Variants in SPAG17 observed in about 807,000 individuals in gnomAD.
SPAG17 encodes the protein sperm-associated antigen 17.
SPAG17 carries 169 observed loss-of-function variants against 273.6 expected under a neutral mutation model. That is an observed-to-expected ratio of 0.62 (90% CI 0.55 to 0.70). SPAG17 has a LOEUF of 0.70. Among genes scored for constraint, SPAG17 ranks in the 30% least tolerant of loss-of-function variants. The pLI, the probability that SPAG17 is intolerant of heterozygous loss-of-function variation, is 0.00. For synonymous variants in SPAG17, 825 were observed against 873.2 expected (o/e 0.94, Z 0.97); for missense variants, 2,557 against 2,627.8 (o/e 0.97, Z 0.59).
At chr1:118,125,618 A>G (rs765477528) in intron 3 of SPAG17, among the ~76,000 whole-genome samples, 4 of 152,196 alleles carry the variant, frequency 2.6e-5, no homozygotes, top group Non-Finnish European at 5.9e-5. Flanking sequence ...GAGTAAGAAC[A>G]TGTGGTATTT....
chr1:118,049,390 T>C (rs1180667674), intron 20 of SPAG17, among the ~76,000 whole-genome samples: 1 of 152,202 alleles, frequency 6.6e-6, no homozygotes, highest in Non-Finnish European at 1.5e-5. Context: ...TAAGTGTGAT[T>C]TATTCCTGGG....
At chr1:118,002,642 C>T (rs1658421562) in intron 32 of SPAG17, among the ~76,000 whole-genome samples, 2 of 152,152 alleles carry the variant, frequency 1.3e-5, no homozygotes. Context: ...ACTAGGATTG[C>T]AACCCCTGCT....
chr1:118,104,201 G>T (rs1303406380), intron 4 of SPAG17, among the ~76,000 whole-genome samples: 1 of 152,156 alleles, frequency 6.6e-6, no homozygotes, highest in Non-Finnish European at 1.5e-5. Flanking sequence ...AAGAAAGATA[G>T]ATTTGAGATG....
At chr1:118,032,646 G>A (rs1368911673) in intron 24 of SPAG17, among the ~76,000 whole-genome samples, 2 of 151,870 alleles carry the variant, frequency 1.3e-5, no homozygotes, top group African/African-American at 4.8e-5. Context: ...CCAGGCTGGA[G>A]TGCAGTGGTG....
At chr1:118,138,952 C>T (rs1288144130) in intron 3 of SPAG17, among the ~76,000 whole-genome samples, 1 of 152,136 alleles carries the variant, frequency 6.6e-6, no homozygotes, top group East Asian at 1.9e-4. Context: ...TCAAACTATA[C>T]TTTCAGACTT....
chr1:118,061,210 C>CA (rs995400302), intron 18 of SPAG17, among the ~76,000 whole-genome samples: 75 of 151,602 alleles, frequency 4.9e-4, no homozygotes, highest in African/African-American at 1.3e-3. Context: ...AGTATATATG[C>CA]AAAAAAAATT....
chr1:117,957,780 C>A (rs1295929214), intron 48 of SPAG17, among the ~76,000 whole-genome samples: 1 of 152,122 alleles, frequency 6.6e-6, no homozygotes, highest in Non-Finnish European at 1.5e-5. Context: ...CCCAGGGGAG[C>A]CAAAAGGATG....
chr1:118,073,585 T>A (rs1048881799), intron 17 of SPAG17, among the ~76,000 whole-genome samples: 2 of 152,158 alleles, frequency 1.3e-5, no homozygotes, highest in African/African-American at 4.8e-5. Context: ...AGCAAAAAAA[T>A]ATATATATGC....
Position 117,963,845 on chromosome 1 carries a change from G to C in SPAG17, c.6626C>G (p.Ser2209Cys). Residue 2209 changes from serine (S) to cysteine (C), a missense_variant, in exon 48 of 49, where the codon TCC becomes TGC. By Grantham distance (112) the Ser-to-Cys change is moderately radical. Coordinates refer to ENST00000336338, the MANE Select transcript of SPAG17 (RefSeq NM_206996.4). Reference protein sequence around the residue: ...PMVQRTSTIYSSTLGVFMSRK... With the variant: ...PMVQRTSTIYCSTLGVFMSRK... ...AGACATGAAGACTCCAAGTGTGGAGGAATAAATTGTAGAAGTTCTCTGGAC... is the reference window on the plus strand; with the variant it reads ...AGACATGAAGACTCCAAGTGTGGAGCAATAAATTGTAGAAGTTCTCTGGAC... 1.2e-6 allele frequency: 2 copies of C among 1,613,728 alleles called. No homozygotes were observed. Among genetic ancestry groups the C allele is most frequent in the Non-Finnish European group, 1.7e-6 (2 of 1,179,690 alleles).
intron 1 of SPAG17, among the ~76,000 whole-genome samples, chr1:118,183,424 G>A (rs1347010407): frequency 6.6e-6 from 1 of 152,086 alleles, no homozygotes; most frequent in African/African-American, 2.4e-5. Flanking sequence ...ATGAAATCAA[G>A]CAGAGAAAAA....
At position 118,039,452 on chromosome 1, in the gene SPAG17, G is replaced by A; in HGVS notation, c.3167-8C>T. The A allele has an allele frequency of 6.2e-7, 1 of 1,612,780 alleles. No homozygotes were observed. Among genetic ancestry groups the A allele is most frequent in the Non-Finnish European group, 8.5e-7 (1 of 1,179,230 alleles). On this transcript the variant is annotated splice_region_variant and splice_polypyrimidine_tract_variant and intron_variant, in intron 22 of 48. Transcript: ENST00000336338. The stretch of plus-strand genomic sequence containing the variant: ...CTTTGATAAAAGTTGGGCCTGAGGA[G>A]GAACCATAGAATAGAAGATGGGCTG...
intron 47 of SPAG17, chr1:117,965,985 A>G (rs1352033389): frequency 6.6e-6 from 1 of 152,224 alleles, no homozygotes; most frequent in Non-Finnish European, 1.5e-5. Context: ...CACATTCTAT[A>G]AGATCCAGCT....
At position 118,052,271 on chromosome 1, in the gene SPAG17, C is replaced by A. The variant is rs111691258; in HGVS notation, c.2814+1731G>T. On this transcript the variant is annotated intron_variant, in intron 20 of 48. Transcript: ENST00000336338. Reference sequence around the variant, plus strand: ...CAGCAACATGGATAAGCCTGGGGGACATGACATTAAGTGAAATAAGCCAGG... The same window carrying A: ...CAGCAACATGGATAAGCCTGGGGGAAATGACATTAAGTGAAATAAGCCAGG... 7.2e-3 allele frequency among the ~76,000 whole-genome samples: 1,096 copies of A among 151,248 alleles called. 14 individuals carry two copies. Among genetic ancestry groups the A allele is most frequent in the African/African-American group, 0.018 (746 of 41,290 alleles).
chr1:117,996,615 A>G lies in SPAG17; in HGVS notation c.4905T>C (p.Tyr1635=), dbSNP rs1315481635. ...MHLEKNHQQI[Y]GEHVPRFFVM... ...TCTTTTACCTGGGGACATGTTCACC[A>G]TAGATTTGCTGATGATTCTTTTCAA... The change falls in exon 33 of 49, where the codon TAT becomes TAC. Residue 1635 remains tyrosine (Y), a synonymous_variant. Transcript: ENST00000336338. 5 of 1,611,632 alleles carry G rather than the reference A, an allele frequency of 3.1e-6. No individual in the cohort carries two copies. Among genetic ancestry groups the G allele is most frequent in the Non-Finnish European group, 4.2e-6 (5 of 1,179,188 alleles).
chr1:118,075,772 C>T (rs960918893), intron 15 of SPAG17, among the ~76,000 whole-genome samples: 1 of 152,138 alleles, frequency 6.6e-6, no homozygotes, highest in Non-Finnish European at 1.5e-5. Context: ...GATACACTGG[C>T]CTGCTTGCTG....
chr1:117,968,250 TA>T (rs1429703883), intron 46 of SPAG17, among the ~76,000 whole-genome samples: 3 of 152,092 alleles, frequency 2.0e-5, no homozygotes, highest in African/African-American at 7.2e-5. Context: ...AAAAATAAAC[TA>T]AAAAAACCTT....
intron 48 of SPAG17, chr1:117,955,443 T>C: frequency 1.6e-6 from 2 of 1,257,308 alleles, no homozygotes; most frequent in Admixed American, 1.9e-5. Flanking sequence ...AAATAGAAAT[T>C]ATAATTGATG....
chr1:118,028,196 C>T, intron 26 of SPAG17, 78 bp downstream of exon 26: 2 of 1,485,762 alleles, frequency 1.3e-6, no homozygotes, highest in East Asian at 2.3e-5. Flanking sequence ...GTTTAACTGG[C>T]ATGAAAATAC....
chr1:117,962,945 T>C (rs550341441), intron 48 of SPAG17: 1 of 152,350 alleles, frequency 6.6e-6, no homozygotes, highest in Admixed American at 6.5e-5. Context: ...AGAAACCACA[T>C]TGGCTTACAG....
Sources: gnomAD v4.1 joint callset for allele counts (sites outside exome capture counted in the v4.1 genomes callset) on GRCh38, gnomAD v4.1.1 for gene constraint, MANE v1.5 for transcripts, NCBI Gene and HGNC (gene_info 2026-07-23, HGNC 2026-07-21) for gene names.